The following NTM variants were observed in gnomAD, a reference collection of about 807,000 sequenced individuals.
The protein encoded by NTM is IgLON family member 2.
NTM carries 13 observed loss-of-function variants against 42.1 expected under a neutral mutation model. The observed-to-expected ratio is 0.31, with a 90% CI of 0.20 to 0.49. The LOEUF (loss-of-function observed/expected upper bound fraction) is 0.49. NTM is among the 20% of genes least tolerant of loss of function. NTM has a pLI of 0.99. For missense variants in NTM, 373 were observed against 452.8 expected, an observed-to-expected ratio of 0.82 and a Z score of 1.60; for synonymous variants, 187 against 179.2, an observed-to-expected ratio of 1.04 and a Z score of -0.35.
chr11:132,159,131 T>A (rs1002837827), intron 3 of NTM, among the ~76,000 whole-genome samples: 1 of 152,142 alleles, frequency 6.6e-6, no homozygotes, highest in Non-Finnish European at 1.5e-5. Context: ...TGAGAGAGAA[T>A]GAAAACAAGG....
At chr11:132,251,475 A>T (rs1193085024) in intron 4 of NTM, among the ~76,000 whole-genome samples, 1 of 152,218 alleles carries the variant, frequency 6.6e-6, no homozygotes, top group Admixed American at 6.5e-5. Flanking sequence ...CCTAATCTGC[A>T]GTACCTGTTT....
At chr11:131,465,497 C>T (rs1951798602) in intron 1 of NTM, among the ~76,000 whole-genome samples, 1 of 152,074 alleles carries the variant, frequency 6.6e-6, no homozygotes, top group East Asian at 1.9e-4. Context: ...GCCCAGGTTG[C>T]CAGCTTACTA....
At chr11:132,127,966 T>A (rs2066133399) in intron 2 of NTM, among the ~76,000 whole-genome samples, 1 of 152,208 alleles carries the variant, frequency 6.6e-6, no homozygotes, top group South Asian at 2.1e-4. Flanking sequence ...GGGCATTGGC[T>A]CTCTGAAAGA....
chr11:131,416,193 G>A (rs1455686665), intron 1 of NTM, among the ~76,000 whole-genome samples: 2 of 145,768 alleles, frequency 1.4e-5, no homozygotes, highest in Non-Finnish European at 3.0e-5. Context: ...TTCTTTTCAT[G>A]TTTTTTTTTT....
chr11:131,580,487 A>G (rs2058311798), intron 1 of NTM, among the ~76,000 whole-genome samples: 1 of 152,038 alleles, frequency 6.6e-6, no homozygotes, highest in Admixed American at 6.6e-5. Flanking sequence ...TGTGAGGGAG[A>G]GAGAGAGAGA....
At chr11:131,465,575 A>C (rs1045034306) in intron 1 of NTM, among the ~76,000 whole-genome samples, 1 of 152,156 alleles carries the variant, frequency 6.6e-6, no homozygotes, top group African/African-American at 2.4e-5. Flanking sequence ...CCTGAGGCCT[A>C]AGCCCCTGGG....
intron 1 of NTM, among the ~76,000 whole-genome samples, chr11:131,397,605 G>C (rs1055653970): frequency 6.6e-5 from 10 of 152,200 alleles, no homozygotes; most frequent in African/African-American, 2.4e-4. Context: ...TGTCCTATCA[G>C]TTCTCCTGTT....
chr11:131,979,942 G>C (rs2064991179), intron 2 of NTM, among the ~76,000 whole-genome samples: 1 of 152,222 alleles, frequency 6.6e-6, no homozygotes, highest in East Asian at 1.9e-4. Context: ...AATTAATATA[G>C]ATAGGCAGGT....
chr11:131,503,559 G>C (rs1565573261), intron 1 of NTM, among the ~76,000 whole-genome samples: 1 of 149,626 alleles, frequency 6.7e-6, no homozygotes, highest in South Asian at 2.1e-4. Flanking sequence ...GTCTTACTCT[G>C]TTGCTCAGGC....
chr11:131,848,661 T>C (rs1565625863), intron 1 of NTM, among the ~76,000 whole-genome samples: 1 of 152,240 alleles, frequency 6.6e-6, no homozygotes, highest in East Asian at 1.9e-4. Flanking sequence ...ACCATTTAGA[T>C]AGTCTTTATG....
chr11:131,886,526 C>T (rs1164640715), intron 1 of NTM, among the ~76,000 whole-genome samples: 2 of 152,322 alleles, frequency 1.3e-5, no homozygotes, highest in East Asian at 3.9e-4. Context: ...TAAAAAGATC[C>T]CTTCTAACTG....
chr11:131,879,382 A>T (rs902123700), intron 1 of NTM, among the ~76,000 whole-genome samples: 5 of 152,092 alleles, frequency 3.3e-5, no homozygotes, highest in African/African-American at 1.2e-4. Context: ...AGATTTTTCC[A>T]CTGTATGGAC....
At chr11:132,303,352 C>A (rs1399311145) in intron 4 of NTM, among the ~76,000 whole-genome samples, 1 of 152,208 alleles carries the variant, frequency 6.6e-6, no homozygotes, top group Admixed American at 6.5e-5. Flanking sequence ...TTCTGGTATG[C>A]ACCAGCAATT....
chr11:132,326,355 A>T (rs963967395), intron 7 of NTM, among the ~76,000 whole-genome samples: 2 of 152,118 alleles, frequency 1.3e-5, no homozygotes, highest in African/African-American at 4.8e-5. Context: ...TTAACAAGAG[A>T]GTATTTAACA....
intron 1 of NTM, among the ~76,000 whole-genome samples, chr11:131,590,375 G>A (rs926038152): frequency 3.3e-5 from 5 of 152,188 alleles, no homozygotes; most frequent in Non-Finnish European, 7.3e-5. Flanking sequence ...CAGCAAACAG[G>A]TTGATACCAG....
intron 2 of NTM, among the ~76,000 whole-genome samples, chr11:131,935,036 G>A (rs547539754): frequency 6.6e-6 from 1 of 152,270 alleles, no homozygotes; most frequent in African/African-American, 2.4e-5. Context: ...TCAGGTGAGG[G>A]ATAGTGGAAG....
intron 1 of NTM, among the ~76,000 whole-genome samples, chr11:131,569,577 T>C (rs1256331550): frequency 9.2e-5 from 13 of 141,812 alleles, no homozygotes; most frequent in African/African-American, 3.9e-4. Flanking sequence ...CTTCTCTCTT[T>C]TTTTTTTTTT....
At position 132,211,766 on chromosome 11, in the gene NTM, G is replaced by C; in HGVS notation, c.401-256G>C. 2.5e-5 allele frequency: 8 copies of C among 321,968 alleles called. 1 individual carries two copies. In the South Asian group the frequency reaches 2.6e-4, roughly 10 times the overall value. The allele number at this position is 321,968 out of a possible 1,614,324, so 19.9% of individuals were successfully genotyped here. Reference sequence around the variant, plus strand: ...GATACAGGAAGAGGGTGGAGGCTAGGAGAACAGCTATTCCAGTGTTGCAGT... The same window carrying C: ...GATACAGGAAGAGGGTGGAGGCTAGCAGAACAGCTATTCCAGTGTTGCAGT... On this transcript the variant is annotated intron_variant, in intron 3 of 8. Transcript: ENST00000683400.
chr11:132,320,468 C>T (rs376807469), intron 7 of NTM, among the ~76,000 whole-genome samples: 70 of 152,320 alleles, frequency 4.6e-4, no homozygotes, highest in African/African-American at 1.3e-3. Flanking sequence ...GCTTTTCCGA[C>T]GGGCTTAAAA....
Sources: gnomAD v4.1 joint callset for allele counts (sites outside exome capture counted in the v4.1 genomes callset) on GRCh38, gnomAD v4.1.1 for gene constraint, MANE v1.5 for transcripts, NCBI Gene and HGNC (gene_info 2026-07-23, HGNC 2026-07-21) for gene names.